Variants in CCDC171 observed in about 807,000 individuals in gnomAD.
CCDC171 encodes coiled-coil domain containing 171, also known as coiled-coil domain-containing protein 171.
A neutral mutation model predicts 168.2 loss-of-function variants in CCDC171; 177 were observed. The ratio of observed to expected loss-of-function variants is 1.05; its 90% CI spans 0.93 to 1.19. CCDC171 has a LOEUF of 1.19. Among genes scored for constraint, CCDC171 ranks in the 50% most tolerant of loss-of-function variants. The pLI is 0.00. For synonymous variants in CCDC171, 687 were observed against 540.8 expected (o/e 1.27, Z -3.75); for missense variants, 1,991 against 1,539.0 (o/e 1.29, Z -4.91).
At chr9:15,988,342 T>C (rs1198525358) in intron 3 of CCDC171, among the ~76,000 whole-genome samples, 1 of 152,212 alleles carries the variant, frequency 6.6e-6, no homozygotes, top group African/African-American at 2.4e-5. Flanking sequence ...AAGGGATGAC[T>C]AGCCATTATG....
At chr9:15,877,102 GATGCTTTTCT>G (rs1817944912) in intron 24 of CCDC171, among the ~76,000 whole-genome samples, 1 of 152,122 alleles carries the variant, frequency 6.6e-6, no homozygotes, top group Non-Finnish European at 1.5e-5. Context: ...GCATGTGACT[GATGCTTTTCT>G]ATGGAGAAAA....
At chr9:15,663,677 C>T (rs923239355) in intron 8 of CCDC171, among the ~76,000 whole-genome samples, 9 of 148,016 alleles carry the variant, frequency 6.1e-5, no homozygotes, top group Non-Finnish European at 1.0e-4. Flanking sequence ...GCGATCTTGG[C>T]TCACTGCAAG....
chr9:15,791,710 A>G (rs1588519536), intron 21 of CCDC171, among the ~76,000 whole-genome samples: 3 of 152,292 alleles, frequency 2.0e-5, no homozygotes, highest in Admixed American at 2.0e-4. Flanking sequence ...TACCCGGCAA[A>G]CAGGGTCTGG....
Position 15,959,597 on chromosome 9 carries a change from C to T in CCDC171, c.3754-12012C>T, listed in dbSNP as rs1158336344. Among the ~76,000 whole-genome samples the T allele has an allele frequency of 7.2e-5, 11 of 152,170 alleles. No homozygotes were observed. The South Asian group carries it at 2.1e-3, about 29-fold the overall frequency. ...TGTGTCAAAATTATTATCTAGTAGACAACCTACTCCAAGCGCAGACTGCAT... is the reference window on the plus strand; with the variant it reads ...TGTGTCAAAATTATTATCTAGTAGATAACCTACTCCAAGCGCAGACTGCAT... On this transcript the variant is annotated intron_variant, in intron 25 of 25. Transcript: ENST00000380701.
At chr9:15,637,968 C>T (rs1056369821) in intron 7 of CCDC171, among the ~76,000 whole-genome samples, 3 of 152,074 alleles carry the variant, frequency 2.0e-5, no homozygotes, top group South Asian at 2.1e-4. Flanking sequence ...GATTTATAGT[C>T]CTTTGGGTAT....
At chr9:15,656,909 T>A (rs1463994322) in intron 7 of CCDC171, among the ~76,000 whole-genome samples, 2 of 152,026 alleles carry the variant, frequency 1.3e-5, no homozygotes, top group Non-Finnish European at 2.9e-5. Flanking sequence ...TAGGTTATTA[T>A]ATGTAAGTTA....
In CCDC171 at chr9:15,728,027, T is replaced by C. The variant is rs2053925044; in HGVS notation, c.1851T>C (p.Ala617=). Residue 617 remains alanine, a synonymous_variant, in exon 15 of 26, where the codon GCT becomes GCC. Coordinates refer to ENST00000380701, the MANE Select transcript of CCDC171 (RefSeq NM_173550.4). The part of the protein sequence containing the change: ...VDALIADLNR[A]NEKIRHLEYI... ...CCCTGATTGCAGACCTCAACAGGGC[T>C]AATGAGAAGGTAACTGTCCTCAGGC... 6.2e-7 allele frequency: 1 copy of C among 1,610,842 alleles called. No homozygotes were observed. Among genetic ancestry groups the C allele is most frequent in the African/African-American group, 1.3e-5 (1 of 74,926 alleles).
chr9:15,560,144 T>G (rs529588660), intron 1 of CCDC171, among the ~76,000 whole-genome samples: 1 of 152,286 alleles, frequency 6.6e-6, no homozygotes, highest in Admixed American at 6.5e-5. Flanking sequence ...ACCTGACGTT[T>G]CTGGCTGCCC....
At chr9:15,593,168 T>G (rs958681114) in intron 5 of CCDC171, among the ~76,000 whole-genome samples, 3 of 152,106 alleles carry the variant, frequency 2.0e-5, no homozygotes, top group Non-Finnish European at 4.4e-5. Flanking sequence ...GTGAAAGCTT[T>G]CTTTCTATAA....
intron 11 of CCDC171, among the ~76,000 whole-genome samples, chr9:15,707,818 G>C (rs570635970): frequency 6.6e-6 from 1 of 152,214 alleles, no homozygotes; most frequent in Non-Finnish European, 1.5e-5. Flanking sequence ...ATTGTATAAA[G>C]AAAACATTCA....
intron 6 of CCDC171, among the ~76,000 whole-genome samples, chr9:16,027,735 G>C (rs562501059): frequency 1.9e-4 from 29 of 152,244 alleles, no homozygotes; most frequent in Non-Finnish European, 3.5e-4. Context: ...TAATCATCAG[G>C]GAAACCCAGT....
At chr9:16,025,982 A>T (rs1046525051) in intron 6 of CCDC171, among the ~76,000 whole-genome samples, 6 of 152,334 alleles carry the variant, frequency 3.9e-5, no homozygotes, top group Non-Finnish European at 5.9e-5. Context: ...AAAACAAGAC[A>T]GTCCCAGGCA....
intron 24 of CCDC171, among the ~76,000 whole-genome samples, chr9:15,876,491 G>T (rs558006676): frequency 4.9e-4 from 74 of 152,132 alleles, no homozygotes; most frequent in Non-Finnish European, 7.4e-4. Context: ...TAACTCCTCA[G>T]ATCAACAGCA....
chr9:15,978,156 T>G (rs542244553), downstream of CCDC171, among the ~76,000 whole-genome samples: 27 of 152,304 alleles, frequency 1.8e-4, no homozygotes, highest in African/African-American at 5.3e-4. Flanking sequence ...GACTTTGATG[T>G]ACTACTGACT....
intron 18 of CCDC171, among the ~76,000 whole-genome samples, chr9:15,754,532 C>T (rs182523632): frequency 6.6e-6 from 1 of 152,250 alleles, no homozygotes; most frequent in African/African-American, 2.4e-5. Flanking sequence ...TGCGCATACA[C>T]ACACACACCC....
rs143657311 is a variant in CCDC171, at chr9:15,961,920, G to A, written c.3754-9689G>A. ...ATTTTGTGTACCGTTTTTTCATGAC[G>A]TAGTCTTGCCCTAGGGTCAGCAAAT... On this transcript the variant is annotated intron_variant, in intron 25 of 25. Coordinates refer to ENST00000380701, the MANE Select transcript of CCDC171 (RefSeq NM_173550.4). Among the ~76,000 whole-genome samples the A allele has an allele frequency of 5.9e-3, 904 of 152,140 alleles. 14 individuals carry two copies. The highest frequency in any genetic ancestry group is 0.042 in the Admixed American group (635 of 15,284).
chr9:15,696,219 C>T (rs2051202053), intron 11 of CCDC171, among the ~76,000 whole-genome samples: 1 of 152,112 alleles, frequency 6.6e-6, no homozygotes, highest in Non-Finnish European at 1.5e-5. Flanking sequence ...CTTTAGAGAG[C>T]TCTTAAGTTC....
intron 21 of CCDC171, among the ~76,000 whole-genome samples, chr9:15,830,374 A>G (rs530651961): frequency 6.6e-6 from 1 of 152,324 alleles, no homozygotes; most frequent in South Asian, 2.1e-4. Flanking sequence ...ATCTTATTCC[A>G]GTTACAGAAG....
At chr9:16,038,716 A>G (rs1833517224), upstream of CCDC171, among the ~76,000 whole-genome samples, 1 of 152,098 alleles carries the variant, frequency 6.6e-6, no homozygotes, top group Admixed American at 6.5e-5. Context: ...TAAACCCTAA[A>G]AAATGTTAAT....
Sources: allele counts gnomAD v4.1 joint callset (sites outside exome capture counted in the v4.1 genomes callset), GRCh38; gene constraint gnomAD v4.1.1; transcripts MANE v1.5; gene names NCBI Gene and HGNC (gene_info 2026-07-23, HGNC 2026-07-21).